The following STIL variants were observed in gnomAD, a reference collection of about 807,000 sequenced individuals.
STIL encodes the protein SCL-interrupting locus protein.
Under a neutral mutation model 110.1 loss-of-function variants are expected in STIL, and 55 were observed. The observed-to-expected ratio is 0.50, with a 90% CI of 0.40 to 0.63. The LOEUF (loss-of-function observed/expected upper bound fraction) is 0.63. Ranked by LOEUF, STIL falls within the 20% of genes least tolerant of loss-of-function variation. STIL has a pLI of 0.00. For synonymous variants in STIL, 481 were observed against 530.0 expected (o/e 0.91, Z 1.27); for missense variants, 1,358 against 1,530.0 (o/e 0.89, Z 1.87).
chr1:47,269,866 C>T lies in STIL; in HGVS notation c.2384G>A (p.Gly795Asp), dbSNP rs1644767654. ...RKGVSIAVSTGASLFWNAAGE... is the reference protein window; with the variant it reads ...RKGVSIAVSTDASLFWNAAGE... ...TGCTGCATTCCAAAACAAGCTAGCA[C>T]CTGGAGGTTAAATAATTTAAGATAC... The change falls in exon 14 of 17, where the codon GGT (glycine) becomes GAT (aspartate). Residue 795 changes from glycine (G) to aspartate (D), a missense_variant and splice_region_variant. Physicochemically the swap from Gly to Asp is moderately conservative, Grantham distance 94 (BLOSUM62 -1). Transcript: ENST00000371877. The T allele has an allele frequency of 1.9e-6, 3 of 1,612,250 alleles. No homozygotes were observed. The highest frequency in any genetic ancestry group is 2.5e-6 in the Non-Finnish European group (3 of 1,178,444).
At position 47,250,236 on chromosome 1, in the gene STIL, ATT is replaced by A. The variant is rs1159726324; in HGVS notation, c.*898_*899del. On this transcript the variant is annotated 3_prime_UTR_variant, in exon 17 of 17. Transcript: ENST00000371877. ...TTATAAAACACACTCATACTCAATA[ATT>A]TTCTTATTCTTTGATAGCCAGTGTG... 5.8e-6 allele frequency: 1 copy of A among 173,074 alleles called. No individual in the cohort carries two copies. Among genetic ancestry groups the A allele is most frequent in the Non-Finnish European group, 1.2e-5 (1 of 80,062 alleles). The allele number at this position is 173,074 out of a possible 1,614,324, so 10.7% of individuals were successfully genotyped here. A position where few individuals can be genotyped will look rare whatever the true frequency, so the allele number is the denominator to read the frequency against.
chr1:47,302,235 T>A lies in STIL; in HGVS notation c.264A>T (p.Glu88Asp). Residue 88 changes from glutamate to aspartate, a missense_variant and splice_region_variant, in exon 4 of 17, where the codon GAA becomes GAT. Physicochemically the swap from Glu to Asp is conservative, Grantham distance 45 (BLOSUM62 2). Coordinates refer to ENST00000371877, the MANE Select transcript of STIL (RefSeq NM_001048166.1). ...GGTCCATTTTTAAAAGTGTATTACC[T>A]TCGTCTGCTGTCAGAGAACCAAGTA... ...CFLLGSLTAD[E>D]DEEGVTLTVD... is the part of the protein sequence containing the mutation. The A allele has an allele frequency of 6.2e-7, 1 of 1,608,802 alleles. No homozygotes were observed. Among genetic ancestry groups the A allele is most frequent in the Non-Finnish European group, 8.5e-7 (1 of 1,175,228 alleles).
At chr1:47,312,782 A>G (rs934564249) in intron 1 of STIL, among the ~76,000 whole-genome samples, 9 of 152,170 alleles carry the variant, frequency 5.9e-5, no homozygotes, top group Admixed American at 4.6e-4. Flanking sequence ...ACAAGCCACT[A>G]AAGGTAATAA....
At position 47,263,126 on chromosome 1, in the gene STIL, A is replaced by C; in HGVS notation, c.2616-10T>G. ...AACTAGAGAAGAGCTGCTGGGAAGG[A>C]TATATAATGTGTTAGTCATTGAGGT... On this transcript the variant is annotated splice_polypyrimidine_tract_variant and intron_variant, in intron 14 of 16. Transcript: ENST00000371877. The C allele has an allele frequency of 6.2e-7, 1 of 1,612,022 alleles. No homozygotes were observed. The highest frequency in any genetic ancestry group is 8.5e-7 in the Non-Finnish European group (1 of 1,178,268).
At chr1:47,312,720 T>C (rs1245097886) in intron 1 of STIL, among the ~76,000 whole-genome samples, 2 of 152,238 alleles carry the variant, frequency 1.3e-5, no homozygotes, top group South Asian at 2.1e-4. Flanking sequence ...ATAATGTTGA[T>C]TTCTTATTTT....
At chr1:47,302,160 A>T in intron 4 of STIL, 74 bp downstream of exon 4, 1 of 1,072,364 alleles carries the variant, frequency 9.3e-7, no homozygotes, top group Non-Finnish European at 1.4e-6. Context: ...GGTTCAAGTG[A>T]TCCTCCCACT....
intron 16 of STIL, among the ~76,000 whole-genome samples, chr1:47,259,186 C>T (rs1333679215): frequency 6.6e-6 from 1 of 151,062 alleles, no homozygotes; most frequent in Non-Finnish European, 1.5e-5. Flanking sequence ...CGGGGTTTCA[C>T]CGTGTTAGCC....
At chr1:47,265,253 A>AAC (rs1644611361) in intron 14 of STIL, among the ~76,000 whole-genome samples, 1 of 149,710 alleles carries the variant, frequency 6.7e-6, no homozygotes, top group African/African-American at 2.4e-5. Context: ...AAAAAAAAAA[A>AAC]AAAAAAACAC....
At chr1:47,301,779 G>C in intron 4 of STIL, 31 bp from the exon 5 acceptor site, 1 of 1,599,396 alleles carries the variant, frequency 6.3e-7, no homozygotes, top group African/African-American at 1.3e-5. Flanking sequence ...CTATTATACA[G>C]CATACTAATT....
intron 8 of STIL, 125 bp from the exon 9 acceptor site, chr1:47,289,710 CT>C: frequency 1.1e-6 from 1 of 898,834 alleles, no homozygotes; most frequent in Non-Finnish European, 1.8e-6. Flanking sequence ...TGTTCAAAAA[CT>C]GGGGTCCACC....
intron 12 of STIL, among the ~76,000 whole-genome samples, chr1:47,274,580 G>A (rs1644933116): frequency 6.8e-6 from 1 of 146,226 alleles, no homozygotes; most frequent in East Asian, 2.0e-4. Flanking sequence ...GCCTCCCAAA[G>A]TGCTGGGATT....
chr1:47,308,067 T>G (rs1183569534), intron 2 of STIL, among the ~76,000 whole-genome samples: 1 of 152,232 alleles, frequency 6.6e-6, no homozygotes, highest in Non-Finnish European at 1.5e-5. Context: ...AATTTTAATT[T>G]CGCCTCAGTC....
Position 47,293,628 on chromosome 1 carries a change from A to T in STIL, c.786-84T>A, listed in dbSNP as rs921992392. ...CATTCTTCCTAAGATAACAAAGTAG[A>T]CGTATGGCTTTTATCAGCCATACAT... is the stretch of plus-strand genomic sequence containing the variant. On this transcript the variant is annotated intron_variant, in intron 7 of 16. Transcript: ENST00000371877. 7.0e-6 allele frequency: 8 copies of T among 1,141,374 alleles called. No individual in the cohort carries two copies. The African/African-American group carries it at 1.1e-4, about 15-fold the overall frequency. 70.7% of individuals were successfully genotyped at this position (1,141,374 alleles called of 1,614,324 possible). A position where few individuals can be genotyped will look rare whatever the true frequency, so the allele number is the denominator to read the frequency against.
intron 15 of STIL, 96 bp downstream of exon 15, chr1:47,262,807 A>T: frequency 9.0e-7 from 1 of 1,109,184 alleles, no homozygotes; most frequent in Non-Finnish European, 1.3e-6. Flanking sequence ...TTTTTATCTT[A>T]AGGTCTCAAT....
intron 1 of STIL, among the ~76,000 whole-genome samples, chr1:47,312,317 C>T (rs911934229): frequency 1.2e-4 from 18 of 152,012 alleles, no homozygotes; most frequent in Non-Finnish European, 2.5e-4. Flanking sequence ...GATGAAACCC[C>T]GTCTCTACTA....
chr1:47,305,231 T>G, intron 2 of STIL: 1 of 399,792 alleles, frequency 2.5e-6, no homozygotes, highest in Non-Finnish European at 4.5e-6. Flanking sequence ...GTTCAAGCAA[T>G]TCCCCTGCCT....
chr1:47,276,277 CA>C (rs1460152713), intron 12 of STIL, among the ~76,000 whole-genome samples: 1 of 152,024 alleles, frequency 6.6e-6, no homozygotes, highest in Non-Finnish European at 1.5e-5. Flanking sequence ...GCTGGGACTA[CA>C]GGTGTGAGCC....
intron 10 of STIL, chr1:47,283,282 G>T (rs1273697319): frequency 6.6e-6 from 1 of 152,188 alleles, no homozygotes; most frequent in African/African-American, 2.4e-5. Context: ...GAGACCTTTT[G>T]CCCTAAACCC....
rs778016364 is a variant in STIL, at chr1:47,251,796, A to G, written c.3207T>C (p.Ala1069=). ...VDLSMEANAI[A]LKYLNENQLS... The stretch of plus-strand genomic sequence containing the variant: ...GCTGATTTTCATTTAAATATTTCAG[A>G]GCTATAGCATTTGCCTCCATGCTCA... The change falls in exon 17 of 17, where the codon GCT becomes GCC. Residue 1069 remains alanine (A), a synonymous_variant. Coordinates refer to ENST00000371877, the MANE Select transcript of STIL (RefSeq NM_001048166.1). The G allele has an allele frequency of 9.9e-6, 16 of 1,611,796 alleles. No individual in the cohort carries two copies. In the East Asian group the frequency reaches 2.2e-4, roughly 22 times the overall value.
Sources: gnomAD v4.1 joint callset for allele counts (sites outside exome capture counted in the v4.1 genomes callset) on GRCh38, gnomAD v4.1.1 for gene constraint, MANE v1.5 for transcripts, NCBI Gene and HGNC (gene_info 2026-07-23, HGNC 2026-07-21) for gene names.